Variants in ELMO1 observed in about 807,000 individuals in gnomAD.
ELMO1 encodes engulfment and cell motility 1, also known as engulfment and cell motility protein 1.
A neutral mutation model predicts 98.9 loss-of-function variants in ELMO1; 26 were observed. That is an observed-to-expected ratio of 0.26 (90% CI 0.19 to 0.36). The LOEUF is 0.36. ELMO1 is among the 10% of genes least tolerant of loss of function. The probability of loss-of-function intolerance (pLI) is 1.00; values close to 1 mark genes in which losing one functional copy is unlikely to be tolerated. For missense variants in ELMO1, 627 were observed against 935.2 expected (o/e 0.67, Z 4.30); for synonymous variants, 346 against 346.0 (o/e 1.00, Z 0.00).
At chr7:36,985,362 GGTTT>G (rs1184562027) in intron 16 of ELMO1, among the ~76,000 whole-genome samples, 1 of 152,036 alleles carries the variant, frequency 6.6e-6, no homozygotes, top group Non-Finnish European at 1.5e-5. Context: ...TTTGGAGACA[GGTTT>G]CATAAAAGGA....
chr7:37,201,774 C>T (rs1309391749), intron 13 of ELMO1, among the ~76,000 whole-genome samples: 1 of 152,240 alleles, frequency 6.6e-6, no homozygotes, highest in Non-Finnish European at 1.5e-5. Context: ...CATCTGGTGG[C>T]TATTTCTGCT....
intron 19 of ELMO1, among the ~76,000 whole-genome samples, chr7:36,871,702 C>T (rs1803519662): frequency 6.6e-6 from 1 of 152,176 alleles, no homozygotes; most frequent in Non-Finnish European, 1.5e-5. Context: ...GATAAAATTA[C>T]AGAATACCTA....
At chr7:37,387,281 T>C (rs1037100296) in intron 1 of ELMO1, among the ~76,000 whole-genome samples, 13 of 152,174 alleles carry the variant, frequency 8.5e-5, no homozygotes, top group Admixed American at 2.6e-4. Context: ...TCGTGGAGGC[T>C]AGAAGTTACA....
At chr7:37,420,091 A>G (rs996678842) in intron 1 of ELMO1, among the ~76,000 whole-genome samples, 3 of 152,172 alleles carry the variant, frequency 2.0e-5, no homozygotes, top group Non-Finnish European at 4.4e-5. Flanking sequence ...GGGCTTTCAG[A>G]GGCTGAGAGG....
At chr7:37,404,920 T>C (rs1803691701) in intron 1 of ELMO1, among the ~76,000 whole-genome samples, 1 of 152,164 alleles carries the variant, frequency 6.6e-6, no homozygotes, top group Admixed American at 6.6e-5. Flanking sequence ...GTTCCCCCCA[T>C]TTTTAATTTT....
chr7:37,263,730 T>A (rs1796098129), intron 5 of ELMO1, among the ~76,000 whole-genome samples: 1 of 152,156 alleles, frequency 6.6e-6, no homozygotes, highest in South Asian at 2.1e-4. Context: ...GGAACAAGCC[T>A]GGCCTGTCTG....
intron 16 of ELMO1, among the ~76,000 whole-genome samples, chr7:37,003,525 G>T (rs1024463593): frequency 5.9e-5 from 9 of 152,188 alleles, no homozygotes; most frequent in African/African-American, 2.2e-4. Context: ...GGGTCAGTGT[G>T]TGGGTTGAAC....
chr7:37,434,600 C>A (rs1042003547), intron 1 of ELMO1, among the ~76,000 whole-genome samples: 3 of 152,198 alleles, frequency 2.0e-5, no homozygotes, highest in Non-Finnish European at 4.4e-5. Context: ...AAGCATAAAT[C>A]AGATCACGTC....
At chr7:36,922,030 C>A (rs1785187967) in intron 16 of ELMO1, among the ~76,000 whole-genome samples, 1 of 152,010 alleles carries the variant, frequency 6.6e-6, no homozygotes, top group South Asian at 2.1e-4. Context: ...TTTTTCTAGT[C>A]CCTTATGGAA....
chr7:37,253,042 A>C (rs2717961), intron 6 of ELMO1, among the ~76,000 whole-genome samples: 48,021 of 152,084 alleles, frequency 0.32, 7,705 homozygotes, highest in Middle Eastern at 0.43. Context: ...ATCTCATGCC[A>C]GTTAGAATGG....
At chr7:37,189,190 T>A (rs1375333551) in intron 13 of ELMO1, among the ~76,000 whole-genome samples, 1 of 152,176 alleles carries the variant, frequency 6.6e-6, no homozygotes, top group Non-Finnish European at 1.5e-5. Flanking sequence ...TTTATGTACA[T>A]GAAAGATTCA....
At chr7:37,002,190 T>C (rs1792722202) in intron 16 of ELMO1, 1 of 152,354 alleles carries the variant, frequency 6.6e-6, no homozygotes, top group Admixed American at 6.5e-5. Context: ...AGGTATGTAG[T>C]TCTCATGATG....
At chr7:37,064,716 A>G (rs1055503258) in intron 15 of ELMO1, among the ~76,000 whole-genome samples, 1 of 151,964 alleles carries the variant, frequency 6.6e-6, no homozygotes, top group African/African-American at 2.4e-5. Context: ...TTAAAAGCCA[A>G]TCTCCCCGTA....
chr7:37,182,545 CTCTCCTTCTTTCTCTCTT>C (rs933218011), intron 13 of ELMO1, among the ~76,000 whole-genome samples: 2 of 140,328 alleles, frequency 1.4e-5, no homozygotes, highest in Admixed American at 7.8e-5. Flanking sequence ...ATCGGTCTCG[CTCTCCTTCTTTCTCTCTT>C]TCTCTCTCTC....
chr7:37,278,709 G>A (rs1278363852), intron 4 of ELMO1, among the ~76,000 whole-genome samples: 1 of 152,040 alleles, frequency 6.6e-6, no homozygotes, highest in East Asian at 1.9e-4. Flanking sequence ...ATCTCCTACT[G>A]GTACTGCATC....
intron 16 of ELMO1, among the ~76,000 whole-genome samples, chr7:36,945,393 A>G (rs1787388817): frequency 6.6e-6 from 1 of 152,200 alleles, no homozygotes; most frequent in South Asian, 2.1e-4. Context: ...TGGAGCAGAA[A>G]ATAAACATTA....
At chr7:37,314,982 AT>A in intron 3 of ELMO1, 60 bp from the exon 4 acceptor site, 3 of 1,511,020 alleles carry the variant, frequency 2.0e-6, no homozygotes, top group Non-Finnish European at 1.8e-6. Flanking sequence ...CATTTTTACA[AT>A]TTTTTAGTGT....
intron 16 of ELMO1, among the ~76,000 whole-genome samples, chr7:37,008,327 C>T (rs182652467): frequency 2.4e-4 from 37 of 152,264 alleles, no homozygotes; most frequent in Admixed American, 5.2e-4. Flanking sequence ...AGGTTGCTAC[C>T]GTGTGTTTCA....
At chr7:36,970,215 A>G (rs913798590) in intron 16 of ELMO1, among the ~76,000 whole-genome samples, 9 of 149,312 alleles carry the variant, frequency 6.0e-5, no homozygotes, top group African/African-American at 2.0e-4. Flanking sequence ...ACACACACAC[A>G]CACACGCACA....
Sources: gnomAD v4.1 joint callset for allele counts (sites outside exome capture counted in the v4.1 genomes callset) on GRCh38, gnomAD v4.1.1 for gene constraint, MANE v1.5 for transcripts, NCBI Gene and HGNC (gene_info 2026-07-23, HGNC 2026-07-21) for gene names.